The following SGCZ variants were observed in gnomAD, a reference collection of about 807,000 sequenced individuals.
SGCZ encodes the protein sarcoglycan zeta.
In SGCZ, 40 loss-of-function variants were observed where a neutral mutation model predicts 41.3. The ratio of observed to expected loss-of-function variants is 0.97; its 90% confidence interval spans 0.75 to 1.26. SGCZ has a LOEUF of 1.26. SGCZ is among the 50% of genes most tolerant of loss of function. The pLI, the probability that SGCZ is intolerant of heterozygous loss-of-function variation, is 0.00. For missense variants in SGCZ, 552 were observed against 369.8 expected (o/e 1.49, Z -4.04); for synonymous variants, 206 against 137.5 (o/e 1.50, Z -3.49).
chr8:15,043,897 T>G (rs1234131013), intron 1 of SGCZ, among the ~76,000 whole-genome samples: 2 of 152,084 alleles, frequency 1.3e-5, no homozygotes, highest in Admixed American at 1.3e-4. Flanking sequence ...CATACTATTA[T>G]ATAGGATCTT....
chr8:14,179,242 A>G (rs558000977), intron 4 of SGCZ, among the ~76,000 whole-genome samples: 1 of 152,326 alleles, frequency 6.6e-6, no homozygotes, highest in Non-Finnish European at 1.5e-5. Context: ...AATGACGGGA[A>G]ATTATCATAA....
chr8:14,837,640 G>C (rs1802746008), intron 1 of SGCZ, among the ~76,000 whole-genome samples: 1 of 152,162 alleles, frequency 6.6e-6, no homozygotes, highest in South Asian at 2.1e-4. Context: ...TTTGGATGTA[G>C]AAGGGTCTTC....
intron 1 of SGCZ, among the ~76,000 whole-genome samples, chr8:15,017,565 A>G (rs1391295205): frequency 6.6e-6 from 1 of 152,136 alleles, no homozygotes; most frequent in Non-Finnish European, 1.5e-5. Context: ...GCAATGGCAC[A>G]ACCACGGCTC....
At chr8:14,649,431 T>A (rs1215031362) in intron 1 of SGCZ, among the ~76,000 whole-genome samples, 1 of 152,062 alleles carries the variant, frequency 6.6e-6, no homozygotes, top group African/African-American at 2.4e-5. Context: ...CTGTTTGAAA[T>A]ACAGACTTAA....
At chr8:14,974,516 C>T (rs1801402192) in intron 1 of SGCZ, among the ~76,000 whole-genome samples, 1 of 152,152 alleles carries the variant, frequency 6.6e-6, no homozygotes, top group Non-Finnish European at 1.5e-5. Context: ...ACTGGCCATG[C>T]ATTTTAGAAT....
At chr8:14,859,678 A>G (rs559740988) in intron 1 of SGCZ, among the ~76,000 whole-genome samples, 2 of 152,314 alleles carry the variant, frequency 1.3e-5, no homozygotes, top group East Asian at 1.9e-4. Flanking sequence ...TGTCCTCTAA[A>G]GAAATTCCCA....
intron 5 of SGCZ, among the ~76,000 whole-genome samples, chr8:14,126,740 C>G (rs766349216): frequency 2.0e-5 from 3 of 152,246 alleles, no homozygotes; most frequent in Non-Finnish European, 4.4e-5. Context: ...AACCCAAATG[C>G]CCATCAGTCA....
chr8:14,155,774 A>T (rs61316544), intron 5 of SGCZ, among the ~76,000 whole-genome samples: 15,503 of 151,868 alleles, frequency 0.1, 925 homozygotes, highest in Middle Eastern at 0.2. Flanking sequence ...TAACAGAGTG[A>T]TATTCTGAGA....
chr8:14,873,972 T>C (rs1447661573), intron 1 of SGCZ, among the ~76,000 whole-genome samples: 2 of 152,146 alleles, frequency 1.3e-5, no homozygotes, highest in Non-Finnish European at 2.9e-5. Context: ...CCTTGAAGTC[T>C]CTGTAGTCAT....
chr8:14,521,526 T>C (rs555156945), intron 2 of SGCZ, among the ~76,000 whole-genome samples: 4 of 152,122 alleles, frequency 2.6e-5, no homozygotes, highest in African/African-American at 9.7e-5. Flanking sequence ...ACAGTGCCAA[T>C]GTACCCAGTT....
intron 1 of SGCZ, among the ~76,000 whole-genome samples, chr8:14,841,965 G>C (rs1802931116): frequency 6.6e-6 from 1 of 152,130 alleles, no homozygotes; most frequent in African/African-American, 2.4e-5. Context: ...TACTTATTCA[G>C]TACAGGACTG....
At chr8:14,184,091 T>G (rs1024238352) in intron 4 of SGCZ, among the ~76,000 whole-genome samples, 4 of 152,142 alleles carry the variant, frequency 2.6e-5, no homozygotes, top group Non-Finnish European at 5.9e-5. Context: ...CCATCATCAT[T>G]TTCATATAAT....
At chr8:15,135,216 A>G (rs77141010) in intron 1 of SGCZ, among the ~76,000 whole-genome samples, 5,803 of 152,274 alleles carry the variant, frequency 0.038, 199 homozygotes, top group African/African-American at 0.093. Flanking sequence ...AAGTAGATCA[A>G]TGTATTCCCC....
At chr8:15,016,207 A>G (rs757885378) in intron 1 of SGCZ, among the ~76,000 whole-genome samples, 2 of 152,108 alleles carry the variant, frequency 1.3e-5, no homozygotes, top group Non-Finnish European at 2.9e-5. Context: ...CACCTGCCCC[A>G]TTCCATCCCT....
intron 2 of SGCZ, among the ~76,000 whole-genome samples, chr8:14,510,418 C>T (rs979293631): frequency 6.6e-6 from 1 of 151,644 alleles, no homozygotes; most frequent in South Asian, 2.1e-4. Context: ...AAATCTATTA[C>T]TATAAAACCT....
intron 4 of SGCZ, among the ~76,000 whole-genome samples, chr8:14,178,602 G>A (rs925158098): frequency 6.6e-6 from 1 of 152,204 alleles, no homozygotes; most frequent in African/African-American, 2.4e-5. Context: ...TTGGTTAAGT[G>A]AGAACAGCTG....
chr8:15,151,148 C>T lies in SGCZ; in HGVS notation c.39+86437G>A, dbSNP rs77512838. 6.1e-3 allele frequency among the ~76,000 whole-genome samples: 929 copies of T among 152,312 alleles called. 21 individuals carry two copies. In the East Asian group the frequency reaches 0.073, roughly 12 times the overall value. On this transcript the variant is annotated intron_variant, in intron 1 of 7. Coordinates refer to ENST00000382080, the MANE Select transcript of SGCZ (RefSeq NM_139167.4). ...GTCTATTCAGAGGACTACTGCGGTA[C>T]GCCAACCAACAACCAACACCAACTG...
intron 1 of SGCZ, among the ~76,000 whole-genome samples, chr8:14,759,196 A>G (rs1475373787): frequency 2.0e-5 from 3 of 152,108 alleles, no homozygotes; most frequent in Non-Finnish European, 4.4e-5. Flanking sequence ...CTATGCATGT[A>G]TATTACTCTC....
chr8:14,294,931 T>A (rs7826631), intron 3 of SGCZ, among the ~76,000 whole-genome samples: 111,984 of 151,978 alleles, frequency 0.74, 41,628 homozygotes, highest in African/African-American at 0.82. Context: ...TATTAACAGG[T>A]ATGTGTAGCA....
Sources: gnomAD v4.1 joint callset for allele counts (sites outside exome capture counted in the v4.1 genomes callset) on GRCh38, gnomAD v4.1.1 for gene constraint, MANE v1.5 for transcripts, NCBI Gene and HGNC (gene_info 2026-07-23, HGNC 2026-07-21) for gene names.